FBXO25: variants seen among roughly 807,000 people sequenced by gnomAD.
FBXO25 encodes F-box only protein 25.
A neutral mutation model predicts 51.9 loss-of-function variants in FBXO25; 45 were observed. The observed-to-expected ratio is 0.87, with a 90% CI of 0.68 to 1.11. FBXO25 has a LOEUF of 1.11. FBXO25 is among the 50% of genes most tolerant of loss of function. FBXO25 has a pLI of 0.00. For missense variants in FBXO25, 507 were observed against 428.5 expected, an observed-to-expected ratio of 1.18 and a Z score of -1.62; for synonymous variants, 199 against 151.0, an observed-to-expected ratio of 1.32 and a Z score of -2.33.
chr8:410,676 A>G (rs1046476634), intron 1 of FBXO25, among the ~76,000 whole-genome samples: 3 of 152,204 alleles, frequency 2.0e-5, no homozygotes, highest in African/African-American at 7.2e-5. Context: ...TCGACTGAAC[A>G]TGGGCATTGA....
chr8:474,242 G>T lies in FBXO25; in HGVS notation c.*5438G>T, dbSNP rs142285345. The T allele has an allele frequency of 8.7e-5, 15 of 171,992 alleles. No homozygotes were observed. Among genetic ancestry groups the T allele is most frequent in the Middle Eastern group, 2.8e-3 (1 of 362 alleles). The allele number at this position is 171,992 out of a possible 1,614,324, so 10.7% of individuals were successfully genotyped here. ...TTGTGACTGGCTTATTTCACTTAGC[G>T]TAATGTCCTCAAGGTTTATTCAAGT... On this transcript the variant is annotated 3_prime_UTR_variant, in exon 10 of 10. Transcript: ENST00000350302.
intron 5 of FBXO25, among the ~76,000 whole-genome samples, chr8:436,981 A>C (rs911133538): frequency 1.4e-4 from 21 of 152,088 alleles, no homozygotes; most frequent in African/African-American, 4.6e-4. Context: ...AGAAGGTGCG[A>C]GTATTCTGTG....
At position 477,150 on chromosome 8, in the gene FBXO25, T is replaced by A. The variant is rs1800670341; in HGVS notation, c.*8346T>A. Reference sequence around the variant, plus strand: ...CATCCCACTGTGGCCAGAAAAGATATTTTATTTCCTCAGTCTTTTGAAATT... The same window carrying A: ...CATCCCACTGTGGCCAGAAAAGATAATTTATTTCCTCAGTCTTTTGAAATT... On this transcript the variant is annotated 3_prime_UTR_variant, in exon 10 of 10. Coordinates refer to ENST00000350302, the MANE Select transcript of FBXO25 (RefSeq NM_183420.2). The A allele has an allele frequency of 6.6e-6, 1 of 152,204 alleles. No homozygotes were observed. The highest frequency in any genetic ancestry group is 6.5e-5 in the Admixed American group (1 of 15,276). 9.4% of individuals were successfully genotyped at this position (152,204 alleles called of 1,614,324 possible). A position where few individuals can be genotyped will look rare whatever the true frequency, so the allele number is the denominator to read the frequency against.
intron 8 of FBXO25, among the ~76,000 whole-genome samples, chr8:461,304 C>G (rs1799794026): frequency 6.6e-6 from 1 of 152,086 alleles, no homozygotes; most frequent in Non-Finnish European, 1.5e-5. Context: ...AAAGACATAC[C>G]CGAGACTGGG....
intron 7 of FBXO25, among the ~76,000 whole-genome samples, chr8:456,538 A>G (rs1799443338): frequency 6.6e-6 from 1 of 152,212 alleles, no homozygotes; most frequent in Admixed American, 6.5e-5. Context: ...TGGACTGTGC[A>G]GCTCCATAGC....
At chr8:422,777 A>G (rs1161107831) in intron 2 of FBXO25, among the ~76,000 whole-genome samples, 5 of 152,312 alleles carry the variant, frequency 3.3e-5, no homozygotes, top group Admixed American at 2.0e-4. Context: ...AGGGCTCGCA[A>G]TGGTGGCTTA....
At position 471,949 on chromosome 8, in the gene FBXO25, T is replaced by C. The variant is rs1044610522; in HGVS notation, c.*3145T>C. 2 of 152,264 alleles carry C rather than the reference T, an allele frequency of 1.3e-5. No individual in the cohort carries two copies. The highest frequency in any genetic ancestry group is 4.8e-5 in the African/African-American group (2 of 41,468). 9.4% of individuals were successfully genotyped at this position (152,264 alleles called of 1,614,324 possible). On this transcript the variant is annotated 3_prime_UTR_variant, in exon 10 of 10. Transcript: ENST00000350302. ...CTGCTTTTAGAACCAAACTGTCATATAAGATTTATCAGCTCTTTTAACACC... is the reference window on the plus strand; with the variant it reads ...CTGCTTTTAGAACCAAACTGTCATACAAGATTTATCAGCTCTTTTAACACC...
intron 9 of FBXO25, chr8:467,697 A>C: frequency 1.9e-6 from 3 of 1,613,440 alleles, no homozygotes; most frequent in Non-Finnish European, 2.5e-6. Context: ...TTCCTTCCTG[A>C]TTCTTTCTTC....
chr8:463,628 C>T (rs1453332006), intron 9 of FBXO25, among the ~76,000 whole-genome samples: 2 of 152,186 alleles, frequency 1.3e-5, no homozygotes, highest in South Asian at 4.1e-4. Flanking sequence ...AAAAAGTGTC[C>T]ATAGAGAAGT....
In FBXO25 at chr8:474,539, C is replaced by G. The variant is rs1420205844; in HGVS notation, c.*5735C>G. The G allele has an allele frequency of 2.9e-6, 1 of 346,982 alleles. No homozygotes were observed. The highest frequency in any genetic ancestry group is 5.5e-6 in the Non-Finnish European group (1 of 180,414). 21.5% of individuals were successfully genotyped at this position (346,982 alleles called of 1,614,324 possible). A position where few individuals can be genotyped will look rare whatever the true frequency, so the allele number is the denominator to read the frequency against. ...CTGAAGGTTCCAGTTTTGCCACATC[C>G]TTGCCAACACCTGTTTTTAATAATT... On this transcript the variant is annotated 3_prime_UTR_variant, in exon 10 of 10. Transcript: ENST00000350302.
At chr8:431,725 T>C (rs751736054) in intron 3 of FBXO25, among the ~76,000 whole-genome samples, 3 of 152,198 alleles carry the variant, frequency 2.0e-5, no homozygotes, top group Non-Finnish European at 4.4e-5. Flanking sequence ...TCTTGAGCAG[T>C]GAGGCCAAAC....
Position 469,751 on chromosome 8 carries a change from A to G in FBXO25, c.*947A>G, listed in dbSNP as rs938914329. The G allele has an allele frequency of 2.6e-5, 4 of 152,232 alleles. No individual in the cohort carries two copies. The highest frequency in any genetic ancestry group is 5.9e-5 in the Non-Finnish European group (4 of 68,040). 9.4% of individuals were successfully genotyped at this position (152,232 alleles called of 1,614,324 possible). A position where few individuals can be genotyped will look rare whatever the true frequency, so the allele number is the denominator to read the frequency against. On this transcript the variant is annotated 3_prime_UTR_variant, in exon 10 of 10. Transcript: ENST00000350302. The stretch of plus-strand genomic sequence containing the variant: ...AAAGAGTATGAAAAATCCCCTCAGC[A>G]GGCATAGGATAGAAACGTATTGTTG...
intron 2 of FBXO25, among the ~76,000 whole-genome samples, chr8:413,902 GGGTA>G (rs1210518011): frequency 2.2e-4 from 34 of 152,330 alleles, no homozygotes; most frequent in African/African-American, 7.9e-4. Context: ...CACAGTACCA[GGGTA>G]GGTGGCTATT....
In FBXO25 at chr8:451,442, C is replaced by T. The variant is rs1799086000; in HGVS notation, c.649C>T (p.Gln217Ter). Residue 217 changes from glutamine to a stop codon, truncating the protein, a stop_gained, in exon 7 of 10, where the codon CAG (glutamine) becomes TAG (stop). Coordinates refer to ENST00000350302, the MANE Select transcript of FBXO25 (RefSeq NM_183420.2). LOFTEE classifies it high-confidence loss of function. ...LAWQQQLQDL[Q>*]MTKQVNNGLT... ...CTGGCAACAACAGCTACAGGATCTT[C>T]AGATGACTAAGGTATAAATATCTCG... The T allele has an allele frequency of 1.2e-6, 2 of 1,613,452 alleles. No individual in the cohort carries two copies. Among genetic ancestry groups the T allele is most frequent in the Non-Finnish European group, 1.7e-6 (2 of 1,179,826 alleles).
At chr8:438,991 C>T (rs1187680001) in intron 5 of FBXO25, among the ~76,000 whole-genome samples, 1 of 152,186 alleles carries the variant, frequency 6.6e-6, no homozygotes, top group African/African-American at 2.4e-5. Flanking sequence ...AAACAACACC[C>T]CCTTTGTCAA....
chr8:464,987 A>T (rs2116839900), intron 9 of FBXO25, among the ~76,000 whole-genome samples: 1 of 152,336 alleles, frequency 6.6e-6, no homozygotes, highest in East Asian at 1.9e-4. Flanking sequence ...TCAGCAAATC[A>T]GTTCATCAGT....
intron 2 of FBXO25, among the ~76,000 whole-genome samples, chr8:423,391 C>T (rs1275933864): frequency 6.6e-6 from 1 of 152,124 alleles, no homozygotes; most frequent in African/African-American, 2.4e-5. Flanking sequence ...AGTACAGATC[C>T]TGTCACCTCG....
chr8:442,390 G>T (rs1278371325), intron 5 of FBXO25, among the ~76,000 whole-genome samples: 1 of 151,862 alleles, frequency 6.6e-6, no homozygotes, highest in Non-Finnish European at 1.5e-5. Flanking sequence ...TAGTTGTACT[G>T]CACCTACAGG....
In FBXO25 at chr8:468,467, G is replaced by A. The variant is rs561420301; in HGVS notation, c.988-248G>A. ...CTCCTCTGACTCAGTACCAGATTCG[G>A]CACTGGAGGGCAGACCTGGGGCCAC... On this transcript the variant is annotated intron_variant, in intron 9 of 9. Transcript: ENST00000350302. Among the ~76,000 whole-genome samples the A allele has an allele frequency of 2.6e-5, 4 of 152,250 alleles. No homozygotes were observed. The South Asian group carries it at 6.2e-4, about 24-fold the overall frequency.
Sources: gnomAD v4.1 joint callset for allele counts (sites outside exome capture counted in the v4.1 genomes callset) on GRCh38, gnomAD v4.1.1 for gene constraint, MANE v1.5 for transcripts, NCBI Gene and HGNC (gene_info 2026-07-23, HGNC 2026-07-21) for gene names.